Variants in ZNF438 observed in about 807,000 individuals in gnomAD.
ZNF438 encodes zinc finger protein 438.
In ZNF438, 25 loss-of-function variants were observed where a neutral mutation model predicts 38.0. That is an observed-to-expected ratio of 0.66 (90% CI 0.48 to 0.92). The LOEUF is 0.92. Ranked by LOEUF, ZNF438 falls within the 40% of genes least tolerant of loss-of-function variation. ZNF438 has a pLI of 0.00. For synonymous variants in ZNF438, 372 were observed against 364.1 expected (o/e 1.02, Z -0.25); for missense variants, 1,007 against 999.6 (o/e 1.01, Z -0.10).
intron 5 of ZNF438, among the ~76,000 whole-genome samples, chr10:30,846,436 G>A (rs1474767022): frequency 1.3e-5 from 2 of 152,218 alleles, no homozygotes; most frequent in Non-Finnish European, 2.9e-5. Context: ...CTGCCGCCAT[G>A]AGAGCCACTG....
At chr10:31,018,661 T>C (rs1024070037) in intron 1 of ZNF438, among the ~76,000 whole-genome samples, 2 of 152,236 alleles carry the variant, frequency 1.3e-5, no homozygotes, top group African/African-American at 4.8e-5. Context: ...TGTAATAAAC[T>C]GATGCCAAAA....
intron 1 of ZNF438, among the ~76,000 whole-genome samples, chr10:30,990,316 G>A (rs2053342741): frequency 6.6e-6 from 1 of 152,054 alleles, no homozygotes; most frequent in South Asian, 2.1e-4. Context: ...GAATTAGAAT[G>A]TTACTATTTT....
intron 3 of ZNF438, among the ~76,000 whole-genome samples, chr10:30,887,368 T>C (rs945793960): frequency 6.6e-6 from 1 of 152,130 alleles, no homozygotes; most frequent in African/African-American, 2.4e-5. Context: ...TAAGGGACTG[T>C]AAGTAATAAA....
chr10:31,021,455 T>C (rs1037720161), intron 1 of ZNF438, among the ~76,000 whole-genome samples: 4 of 152,176 alleles, frequency 2.6e-5, no homozygotes, highest in African/African-American at 9.6e-5. Flanking sequence ...AACTGAAATA[T>C]TGGGTTGGTG....
At chr10:30,854,908 C>T (rs2034350903) in intron 4 of ZNF438, among the ~76,000 whole-genome samples, 1 of 152,140 alleles carries the variant, frequency 6.6e-6, no homozygotes, top group Admixed American at 6.5e-5. Flanking sequence ...GCAGCTGAAG[C>T]AACAACAGTG....
exon 5 of ZNF438, chr10:30,850,225 A>G (rs1028556023): frequency 6.2e-7 from 1 of 1,614,116 alleles, no homozygotes; most frequent in Middle Eastern, 1.6e-4. Context: ...GATTCACCTG[A>G]TCAGAGCGTG....
intron 1 of ZNF438, among the ~76,000 whole-genome samples, chr10:30,982,391 G>A (rs965416884): frequency 1.3e-5 from 2 of 152,082 alleles, no homozygotes; most frequent in African/African-American, 2.4e-5. Flanking sequence ...ATCAGCCACC[G>A]CGCCCGGCCA....
chr10:30,915,377 T>C (rs1004389930), intron 2 of ZNF438, among the ~76,000 whole-genome samples: 1 of 152,040 alleles, frequency 6.6e-6, no homozygotes, highest in Non-Finnish European at 1.5e-5. Flanking sequence ...CAATAAGGCT[T>C]TGGAATTGCA....
chr10:30,855,212 C>T (rs2034407773), intron 4 of ZNF438, among the ~76,000 whole-genome samples: 1 of 152,166 alleles, frequency 6.6e-6, no homozygotes, highest in South Asian at 2.1e-4. Flanking sequence ...ACAGGACACT[C>T]CTGAGCTCTG....
intron 4 of ZNF438, among the ~76,000 whole-genome samples, chr10:30,854,636 T>G (rs1437436733): frequency 6.6e-6 from 1 of 152,210 alleles, no homozygotes; most frequent in Non-Finnish European, 1.5e-5. Flanking sequence ...AAATGTAATT[T>G]TATTTATTGC....
chr10:30,896,795 A>G (rs896257647), intron 3 of ZNF438, among the ~76,000 whole-genome samples: 6 of 152,188 alleles, frequency 3.9e-5, no homozygotes, highest in Admixed American at 2.0e-4. Flanking sequence ...CACTACTGAA[A>G]TGTACACTTA....
Position 30,891,784 on chromosome 10 carries a change from G to A in ZNF438, c.-31-14719C>T, listed in dbSNP as rs137865257. Among the ~76,000 whole-genome samples, 572 of 152,146 alleles carry A rather than the reference G, an allele frequency of 3.8e-3. 5 individuals carry two copies. Among genetic ancestry groups the A allele is most frequent in the Non-Finnish European group, 6.0e-3 (408 of 67,974 alleles). ...ATTTTAACAAACAGGCCTATCCTCC[G>A]TTTTCTTATTTGTTCAAATGTCTAG... On this transcript the variant is annotated intron_variant, in intron 3 of 5. Transcript: ENST00000413025.
At chr10:30,965,815 G>GCT (rs1341803595) in intron 1 of ZNF438, among the ~76,000 whole-genome samples, 2 of 152,140 alleles carry the variant, frequency 1.3e-5, no homozygotes, top group African/African-American at 4.8e-5. Context: ...TGGGTACTAT[G>GCT]CTCAGTACCT....
intron 4 of ZNF438, among the ~76,000 whole-genome samples, chr10:30,863,706 G>A (rs1235385701): frequency 6.6e-6 from 1 of 152,192 alleles, no homozygotes; most frequent in Non-Finnish European, 1.5e-5. Flanking sequence ...GTGTGCCTGT[G>A]AGTGGTCTCC....
At chr10:30,890,083 C>CAAAAAAAAAAAAA (rs71863439) in intron 3 of ZNF438, among the ~76,000 whole-genome samples, 2 of 93,380 alleles carry the variant, frequency 2.1e-5, no homozygotes, top group East Asian at 3.7e-4. Context: ...TTGGCATTTC[C>CAAAAAAAAAAAAA]AAAAAAAAAA....
At chr10:30,876,806 G>A (rs1042081938) in intron 4 of ZNF438, among the ~76,000 whole-genome samples, 192 bp downstream of exon 5, 1 of 152,064 alleles carries the variant, frequency 6.6e-6, no homozygotes, top group Non-Finnish European at 1.5e-5. Flanking sequence ...AAAGGAGACA[G>A]GTCCTTAAAA....
chr10:30,976,498 T>C (rs1401690509), intron 1 of ZNF438, among the ~76,000 whole-genome samples: 5 of 152,152 alleles, frequency 3.3e-5, no homozygotes, highest in Non-Finnish European at 7.4e-5. Context: ...TCCCAGCACT[T>C]TGGGAGGCTA....
intron 1 of ZNF438, among the ~76,000 whole-genome samples, chr10:31,009,376 T>C (rs1443976781): frequency 2.0e-5 from 3 of 152,194 alleles, no homozygotes. Flanking sequence ...CATATACTGA[T>C]AGCAATATTG....
At chr10:30,991,573 G>C (rs1300399538) in intron 1 of ZNF438, among the ~76,000 whole-genome samples, 3 of 152,196 alleles carry the variant, frequency 2.0e-5, no homozygotes, top group Non-Finnish European at 2.9e-5. Context: ...CTGTGCAGTG[G>C]TGCAAGGTTC....
Sources: gnomAD v4.1 joint callset for allele counts (sites outside exome capture counted in the v4.1 genomes callset) on GRCh38, gnomAD v4.1.1 for gene constraint, MANE v1.5 for transcripts, NCBI Gene and HGNC (gene_info 2026-07-23, HGNC 2026-07-21) for gene names.